Variants in GRIP1 observed in about 807,000 individuals in gnomAD.
GRIP1 encodes glutamate receptor-interacting protein 1.
Under a neutral mutation model 129.9 loss-of-function variants are expected in GRIP1, and 45 were observed. That is an observed-to-expected ratio of 0.35 (90% CI 0.27 to 0.44). The LOEUF (loss-of-function observed/expected upper bound fraction) is 0.44. Ranked by LOEUF, GRIP1 falls within the 20% of genes least tolerant of loss-of-function variation. The probability of loss-of-function intolerance (pLI) is 1.00; values close to 1 mark genes in which losing one functional copy is unlikely to be tolerated. For synonymous variants in GRIP1, 530 were observed against 520.8 expected (o/e 1.02, Z -0.24); for missense variants, 1,196 against 1,396.8 (o/e 0.86, Z 2.29).
chr12:66,457,255 A>G (rs1223302642), intron 9 of GRIP1, among the ~76,000 whole-genome samples: 1 of 152,136 alleles, frequency 6.6e-6, no homozygotes, highest in Non-Finnish European at 1.5e-5. Flanking sequence ...AAAGAACTCA[A>G]AATAACATAT....
chr12:66,900,366 T>C (rs2040824546), intron 1 of GRIP1, among the ~76,000 whole-genome samples: 1 of 152,146 alleles, frequency 6.6e-6, no homozygotes, highest in Admixed American at 6.5e-5. Flanking sequence ...CACTCTCTCC[T>C]TCTACTATGT....
intron 9 of GRIP1, among the ~76,000 whole-genome samples, chr12:66,459,370 C>T (rs552934022): frequency 2.6e-5 from 4 of 152,206 alleles, no homozygotes; most frequent in Middle Eastern, 3.4e-3. Context: ...TGTGTTTGGC[C>T]AATTTACAAC....
chr12:66,867,796 C>G (rs1397089256), intron 1 of GRIP1, among the ~76,000 whole-genome samples: 1 of 152,112 alleles, frequency 6.6e-6, no homozygotes, highest in Non-Finnish European at 1.5e-5. Flanking sequence ...AAAGATACTT[C>G]ACAACTTTCT....
chr12:67,056,803 G>T (rs1487298207), intron 1 of GRIP1, among the ~76,000 whole-genome samples: 1 of 151,962 alleles, frequency 6.6e-6, no homozygotes, highest in Non-Finnish European at 1.5e-5. Flanking sequence ...GTTTTGTTTT[G>T]TTTTGTTTTG....
intron 1 of GRIP1, among the ~76,000 whole-genome samples, chr12:66,845,072 T>C (rs1219253781): frequency 1.3e-5 from 2 of 152,208 alleles, no homozygotes; most frequent in Non-Finnish European, 2.9e-5. Flanking sequence ...ACTATTGAAC[T>C]GTACACTTAA....
intron 1 of GRIP1, among the ~76,000 whole-genome samples, chr12:66,781,144 C>A (rs994365720): frequency 6.6e-6 from 1 of 152,200 alleles, no homozygotes; most frequent in African/African-American, 2.4e-5. Flanking sequence ...ATAAGGTACA[C>A]TTACTTTAAA....
At chr12:66,759,982 G>C (rs2037421382) in intron 1 of GRIP1, among the ~76,000 whole-genome samples, 1 of 151,964 alleles carries the variant, frequency 6.6e-6, no homozygotes, top group African/African-American at 2.4e-5. Flanking sequence ...AGCCTCCAGA[G>C]TAGCTGGGAC....
At chr12:66,682,234 C>CT (rs1245215624), upstream of GRIP1, among the ~76,000 whole-genome samples, 12 of 152,288 alleles carry the variant, frequency 7.9e-5, no homozygotes, top group South Asian at 2.3e-3. Context: ...CTATCACCTT[C>CT]TCCCCTCTGA....
intron 1 of GRIP1, among the ~76,000 whole-genome samples, chr12:67,039,214 A>G (rs1310542949): frequency 6.6e-6 from 1 of 152,168 alleles, no homozygotes; most frequent in African/African-American, 2.4e-5. Flanking sequence ...CCAAAGCACA[A>G]CTGGCAAATA....
intron 1 of GRIP1, among the ~76,000 whole-genome samples, chr12:66,991,566 T>C (rs2042394935): frequency 6.6e-6 from 1 of 152,212 alleles, no homozygotes; most frequent in Admixed American, 6.5e-5. Flanking sequence ...ATCCATCATT[T>C]CTGAGTAAAA....
intron 1 of GRIP1, among the ~76,000 whole-genome samples, chr12:66,654,661 A>G (rs930338687): frequency 6.6e-6 from 1 of 152,210 alleles, no homozygotes; most frequent in African/African-American, 2.4e-5. Context: ...GCAAGGTGGT[A>G]GCATTTACTG....
intron 1 of GRIP1, among the ~76,000 whole-genome samples, chr12:66,821,048 A>G (rs1461313892): frequency 6.6e-6 from 1 of 152,196 alleles, no homozygotes; most frequent in Non-Finnish European, 1.5e-5. Context: ...CAATTGTAAC[A>G]ACTGTACCAC....
chr12:66,353,667 A>C (rs1263616981), intron 23 of GRIP1, 104 bp from the exon 24 acceptor site: 1 of 1,008,200 alleles, frequency 9.9e-7, no homozygotes, highest in African/African-American at 1.6e-5. Flanking sequence ...TCACATCATG[A>C]TTTGTAATAT....
At chr12:66,711,439 T>G (rs181624704) in intron 1 of GRIP1, among the ~76,000 whole-genome samples, 61 of 152,012 alleles carry the variant, frequency 4.0e-4, no homozygotes, top group African/African-American at 1.5e-3. Flanking sequence ...ACATGATCAA[T>G]TTTATCTCAC....
chr12:67,052,596 A>G (rs889943871), intron 1 of GRIP1, among the ~76,000 whole-genome samples: 13 of 152,102 alleles, frequency 8.5e-5, no homozygotes, highest in Non-Finnish European at 1.9e-4. Context: ...CGTTTCTACT[A>G]AAAATACAAA....
chr12:66,530,089 T>C (rs2061393001), intron 4 of GRIP1, among the ~76,000 whole-genome samples, 175 bp from the exon 5 acceptor site: 1 of 152,144 alleles, frequency 6.6e-6, no homozygotes, highest in South Asian at 2.1e-4. Flanking sequence ...AAAAATACCA[T>C]AAAACAGTCA....
chr12:66,582,875 A>C (rs1188860052), intron 2 of GRIP1, among the ~76,000 whole-genome samples: 30 of 147,150 alleles, frequency 2.0e-4, no homozygotes, highest in Non-Finnish European at 3.8e-4. Flanking sequence ...CAAGCTACCA[A>C]TGACTTTCTT....
At chr12:66,354,962 C>T (rs1040654900) in intron 23 of GRIP1, among the ~76,000 whole-genome samples, 2 of 152,074 alleles carry the variant, frequency 1.3e-5, no homozygotes, top group African/African-American at 4.8e-5. Flanking sequence ...GTTATGTACC[C>T]GCTCAAGGCC....
intron 7 of GRIP1, among the ~76,000 whole-genome samples, chr12:66,478,473 T>C (rs2059693675): frequency 6.6e-6 from 1 of 152,124 alleles, no homozygotes; most frequent in Non-Finnish European, 1.5e-5. Context: ...AGTGTGGCGA[T>C]TCCTCAGGGA....
Sources: gnomAD v4.1 joint callset for allele counts (sites outside exome capture counted in the v4.1 genomes callset) on GRCh38, gnomAD v4.1.1 for gene constraint, MANE v1.5 for transcripts, NCBI Gene and HGNC (gene_info 2026-07-23, HGNC 2026-07-21) for gene names.